The following C12orf42 variants were observed in gnomAD, a reference collection of about 807,000 sequenced individuals.
The protein encoded by C12orf42 is chromosome 12 open reading frame 42.
In C12orf42, 25 loss-of-function variants were observed where a neutral mutation model predicts 21.6. That is an observed-to-expected ratio of 1.16 (90% CI 0.84 to 1.62). C12orf42 has a LOEUF of 1.62. Among genes scored for constraint, C12orf42 ranks in the 40% most tolerant of loss-of-function variants. C12orf42 has a pLI of 0.00. For missense variants in C12orf42, 483 were observed against 459.3 expected, an observed-to-expected ratio of 1.05 and a Z score of -0.47; for synonymous variants, 174 against 175.0, an observed-to-expected ratio of 0.99 and a Z score of 0.05.
chr12:103,446,087 C>G (rs1951558289), intron 2 of C12orf42, among the ~76,000 whole-genome samples: 1 of 151,856 alleles, frequency 6.6e-6, no homozygotes, highest in African/African-American at 2.4e-5. Flanking sequence ...AGTCACAGTT[C>G]TAAGCAATTT....
chr12:103,149,549 T>C, the C12orf42 span, among the ~76,000 whole-genome samples: 1 of 150,348 alleles, frequency 6.7e-6, no homozygotes, highest in Non-Finnish European at 1.5e-5. Context: ...AGTGAGACAC[T>C]TGGTGGGAGG....
chr12:103,432,660 T>C (rs988636743), intron 2 of C12orf42, among the ~76,000 whole-genome samples: 2 of 152,232 alleles, frequency 1.3e-5, no homozygotes, highest in African/African-American at 4.8e-5. Context: ...CTTTAGGTTG[T>C]GACTACTTAG....
chr12:103,411,173 T>C (rs553967652), intron 2 of C12orf42, among the ~76,000 whole-genome samples: 10 of 152,346 alleles, frequency 6.6e-5, no homozygotes, highest in African/African-American at 2.2e-4. Flanking sequence ...CTTATCATCA[T>C]ATCAAGCTAA....
At chr12:103,520,784 T>A in the C12orf42 span, among the ~76,000 whole-genome samples, 2 of 152,256 alleles carry the variant, frequency 1.3e-5, no homozygotes, top group Admixed American at 6.5e-5. Context: ...GAAGACTTCA[T>A]GGGCATGCCC....
the C12orf42 span, among the ~76,000 whole-genome samples, chr12:103,532,560 G>A: frequency 2.6e-5 from 4 of 151,918 alleles, no homozygotes; most frequent in Non-Finnish European, 4.4e-5. Context: ...GTATTTGATT[G>A]GCAGTATGTA....
chr12:103,393,379 G>A (rs184923867), intron 3 of C12orf42, among the ~76,000 whole-genome samples: 2 of 152,116 alleles, frequency 1.3e-5, no homozygotes, highest in Non-Finnish European at 2.9e-5. Flanking sequence ...TCGCAAGAAC[G>A]CACTATCACA....
chr12:103,344,432 C>T (rs1377538248), intron 4 of C12orf42, among the ~76,000 whole-genome samples: 2 of 152,286 alleles, frequency 1.3e-5, no homozygotes, highest in Non-Finnish European at 2.9e-5. Context: ...AAGACCCACA[C>T]AGCCCCTTTC....
At chr12:103,522,601 G>A in the C12orf42 span, among the ~76,000 whole-genome samples, 1 of 152,118 alleles carries the variant, frequency 6.6e-6, no homozygotes, top group Non-Finnish European at 1.5e-5. Flanking sequence ...ATTGGGATAT[G>A]GGAGCTGATT....
At position 103,401,858 on chromosome 12, in the gene C12orf42, C is replaced by T. The variant is rs1335514406; in HGVS notation, c.79-183G>A. 3.3e-5 allele frequency among the ~76,000 whole-genome samples: 5 copies of T among 152,118 alleles called. No individual in the cohort carries two copies. In the East Asian group the frequency reaches 9.6e-4, roughly 29 times the overall value. On this transcript the variant is annotated intron_variant, in intron 2 of 5. Transcript: ENST00000548883. ...CAGGTGCGTTGGGAACAATGGTGAGCCCAAAACACACCTCCCATCCTCAAG... is the reference window on the plus strand; with the variant it reads ...CAGGTGCGTTGGGAACAATGGTGAGTCCAAAACACACCTCCCATCCTCAAG...
At chr12:103,167,136 A>C in the C12orf42 span, among the ~76,000 whole-genome samples, 2 of 152,250 alleles carry the variant, frequency 1.3e-5, no homozygotes, top group South Asian at 4.1e-4. Context: ...GTGGTTGCGC[A>C]ATCATGTTCT....
At chr12:103,275,533 T>G (rs1201247314) in intron 5 of C12orf42, among the ~76,000 whole-genome samples, 1 of 152,140 alleles carries the variant, frequency 6.6e-6, no homozygotes, top group African/African-American at 2.4e-5. Context: ...TGACCTTAGA[T>G]AAATTGCTCT....
At chr12:103,069,854 C>A in the C12orf42 span, among the ~76,000 whole-genome samples, 2 of 152,124 alleles carry the variant, frequency 1.3e-5, no homozygotes, top group Non-Finnish European at 2.9e-5. Context: ...AGAGGTCTCA[C>A]CATGTCCTTT....
intron 3 of C12orf42, among the ~76,000 whole-genome samples, chr12:103,370,570 T>G (rs2045108499): frequency 6.6e-6 from 1 of 152,116 alleles, no homozygotes; most frequent in African/African-American, 2.4e-5. Flanking sequence ...TGAGATCATG[T>G]TTTTTGCACC....
At chr12:103,099,775 C>T in the C12orf42 span, among the ~76,000 whole-genome samples, 1 of 152,056 alleles carries the variant, frequency 6.6e-6, no homozygotes, top group Non-Finnish European at 1.5e-5. Flanking sequence ...GATAAAAACC[C>T]TTTTTTTCTA....
intron 4 of C12orf42, among the ~76,000 whole-genome samples, chr12:103,334,493 A>G (rs1238684393): frequency 6.6e-6 from 1 of 152,156 alleles, no homozygotes; most frequent in Non-Finnish European, 1.5e-5. Flanking sequence ...AAATACGAAA[A>G]GGCAGTCAAA....
At chr12:103,258,493 T>C (rs1281045817) in intron 10 of C12orf42, among the ~76,000 whole-genome samples, 1 of 152,014 alleles carries the variant, frequency 6.6e-6, no homozygotes, top group African/African-American at 2.4e-5. Flanking sequence ...AGATATTATA[T>C]TGAATTATAA....
At chr12:103,204,516 T>C in the C12orf42 span, among the ~76,000 whole-genome samples, 2 of 152,206 alleles carry the variant, frequency 1.3e-5, no homozygotes, top group Non-Finnish European at 2.9e-5. Flanking sequence ...ACTAGTTCCA[T>C]ATCCATGTGT....
intron 2 of C12orf42, among the ~76,000 whole-genome samples, chr12:103,467,285 T>A (rs1953217066): frequency 6.6e-6 from 1 of 152,202 alleles, no homozygotes; most frequent in Non-Finnish European, 1.5e-5. Flanking sequence ...TACATAACCA[T>A]TGTATATTGC....
intron 10 of C12orf42, among the ~76,000 whole-genome samples, chr12:103,244,551 T>TG (rs1403487644): frequency 6.8e-6 from 1 of 147,584 alleles, no homozygotes; most frequent in African/African-American, 2.5e-5. Flanking sequence ...CAGCATTCTT[T>TG]GAAAAAAAAA....
Sources: gnomAD v4.1 joint callset for allele counts (sites outside exome capture counted in the v4.1 genomes callset) on GRCh38, gnomAD v4.1.1 for gene constraint, MANE v1.5 for transcripts, NCBI Gene and HGNC (gene_info 2026-07-23, HGNC 2026-07-21) for gene names.